The following PRELID2 variants were observed in gnomAD, a reference collection of about 807,000 sequenced individuals.
The protein encoded by PRELID2 is PRELI domain-containing protein 2.
A neutral mutation model predicts 28.4 loss-of-function variants in PRELID2; 25 were observed. That is an observed-to-expected ratio of 0.88 (90% CI 0.64 to 1.23). The LOEUF (loss-of-function observed/expected upper bound fraction) is 1.23, where lower values mean the gene tolerates loss of function less well. Ranked by LOEUF, PRELID2 falls within the 50% of genes most tolerant of loss-of-function variation. PRELID2 has a pLI of 0.00. For missense variants in PRELID2, 201 were observed against 214.4 expected (o/e 0.94, Z 0.39); for synonymous variants, 76 against 71.6 (o/e 1.06, Z -0.31).
chr5:145,330,944 GTTTTGTCA>G, the PRELID2 span, among the ~76,000 whole-genome samples: 52,562 of 151,604 alleles, frequency 0.35, 9,785 homozygotes, highest in East Asian at 0.74. Context: ...CACTGCTTTA[GTTTTGTCA>G]CAGAGATTCT....
intron 1 of PRELID2, among the ~76,000 whole-genome samples, chr5:145,682,898 A>T (rs1754965378): frequency 6.6e-6 from 1 of 152,200 alleles, no homozygotes; most frequent in African/African-American, 2.4e-5. Context: ...TCCAAAACTA[A>T]CATCATCTTC....
At chr5:145,554,236 C>T (rs539675172) in intron 1 of PRELID2, among the ~76,000 whole-genome samples, 41 of 152,262 alleles carry the variant, frequency 2.7e-4, no homozygotes, top group African/African-American at 9.9e-4. Flanking sequence ...CCAAAAAACA[C>T]TAACGCAAAT....
intron 1 of PRELID2, among the ~76,000 whole-genome samples, chr5:145,495,051 GT>G (rs1752298801): frequency 6.6e-6 from 1 of 152,178 alleles, no homozygotes; most frequent in Admixed American, 6.6e-5. Context: ...ATTCACAGAA[GT>G]GGTCTATGCT....
chr5:145,831,029 G>A (rs11745319), intron 1 of PRELID2, among the ~76,000 whole-genome samples: 11 of 151,956 alleles, frequency 7.2e-5, no homozygotes, highest in Non-Finnish European at 1.3e-4. Flanking sequence ...TATGATTGTC[G>A]CTTCTGCCAA....
chr5:145,421,372 T>A, the PRELID2 span, among the ~76,000 whole-genome samples: 1 of 151,196 alleles, frequency 6.6e-6, no homozygotes, highest in African/African-American at 2.4e-5. Context: ...CTGGAATCTT[T>A]TTGGTTGGTA....
At chr5:145,426,502 T>C in the PRELID2 span, among the ~76,000 whole-genome samples, 3 of 152,210 alleles carry the variant, frequency 2.0e-5, no homozygotes, top group African/African-American at 7.2e-5. Flanking sequence ...TGAGGAAGGA[T>C]CTGGGTTATT....
At chr5:145,348,398 C>T in the PRELID2 span, among the ~76,000 whole-genome samples, 1 of 152,006 alleles carries the variant, frequency 6.6e-6, no homozygotes, top group East Asian at 1.9e-4. Flanking sequence ...CCTTATAGTC[C>T]CTTTTTCTAT....
the PRELID2 span, among the ~76,000 whole-genome samples, chr5:145,322,769 C>T: frequency 5.9e-5 from 9 of 151,876 alleles, no homozygotes; most frequent in Non-Finnish European, 1.3e-4. Flanking sequence ...CAAAATTGGC[C>T]GGGCACGGTG....
intron 5 of PRELID2, among the ~76,000 whole-genome samples, chr5:145,765,492 C>T (rs1398943962): frequency 6.6e-6 from 1 of 152,096 alleles, no homozygotes; most frequent in Admixed American, 6.5e-5. Context: ...ACACAGCCAC[C>T]CTCTGCCAAA....
chr5:145,523,836 T>C (rs1396746791), intron 1 of PRELID2, among the ~76,000 whole-genome samples: 1 of 152,198 alleles, frequency 6.6e-6, no homozygotes, highest in Non-Finnish European at 1.5e-5. Context: ...AGGCATATGA[T>C]AAATTACTTT....
intron 1 of PRELID2, among the ~76,000 whole-genome samples, chr5:145,537,488 C>T (rs907891256): frequency 6.6e-5 from 10 of 151,806 alleles, no homozygotes; most frequent in African/African-American, 2.4e-4. Flanking sequence ...CACTTGTTTT[C>T]TTCTGTCTTT....
intron 1 of PRELID2, among the ~76,000 whole-genome samples, chr5:145,479,612 T>C (rs1339636890): frequency 3.9e-5 from 6 of 152,226 alleles, no homozygotes; most frequent in African/African-American, 1.2e-4. Flanking sequence ...TCCTGAGCAC[T>C]GCGCCTGGTG....
At chr5:145,717,383 C>T (rs1284985446) in intron 1 of PRELID2, among the ~76,000 whole-genome samples, 1 of 152,058 alleles carries the variant, frequency 6.6e-6, no homozygotes, top group African/African-American at 2.4e-5. Flanking sequence ...CTAAAACCCA[C>T]TCAGCTGTAC....
At chr5:145,469,951 G>A (rs1323784980), downstream of PRELID2, among the ~76,000 whole-genome samples, 1 of 152,072 alleles carries the variant, frequency 6.6e-6, no homozygotes, top group Non-Finnish European at 1.5e-5. Flanking sequence ...CTATCCTACA[G>A]ATATATTCAC....
At chr5:145,735,506 G>T (rs958063840) in intron 1 of PRELID2, among the ~76,000 whole-genome samples, 13 of 152,068 alleles carry the variant, frequency 8.5e-5, no homozygotes, top group African/African-American at 3.1e-4. Context: ...TTTGTGATAA[G>T]GAAGCATAAC....
downstream of PRELID2, among the ~76,000 whole-genome samples, chr5:145,754,994 C>T (rs1757219643): frequency 6.6e-6 from 1 of 152,124 alleles, no homozygotes; most frequent in African/African-American, 2.4e-5. Flanking sequence ...TCATTGCACC[C>T]AGATCAGGTG....
the PRELID2 span, among the ~76,000 whole-genome samples, chr5:145,337,410 C>A: frequency 1.1e-4 from 16 of 151,698 alleles, no homozygotes; most frequent in East Asian, 3.1e-3. Context: ...CAGTTCAATT[C>A]TGACACTATC....
intron 4 of PRELID2, among the ~76,000 whole-genome samples, chr5:145,810,852 A>G (rs1380250708): frequency 2.6e-5 from 4 of 152,142 alleles, no homozygotes; most frequent in African/African-American, 9.7e-5. Context: ...AAGTGACACA[A>G]ATTGTACAAG....
intron 1 of PRELID2, among the ~76,000 whole-genome samples, chr5:145,708,136 A>G (rs1018063094): frequency 3.3e-5 from 5 of 152,186 alleles, no homozygotes; most frequent in Middle Eastern, 6.8e-3. Context: ...GGGTAGAGAG[A>G]ACAGGCCCGC....
Sources: gnomAD v4.1 joint callset for allele counts (sites outside exome capture counted in the v4.1 genomes callset) on GRCh38, gnomAD v4.1.1 for gene constraint, MANE v1.5 for transcripts, NCBI Gene and HGNC (gene_info 2026-07-23, HGNC 2026-07-21) for gene names.